FOXP1: variants seen among roughly 807,000 people sequenced by gnomAD.
FOXP1 encodes forkhead box protein P1.
FOXP1 carries 15 observed loss-of-function variants against 98.2 expected under a neutral mutation model. That is an observed-to-expected ratio of 0.15 (90% confidence interval 0.10 to 0.24). FOXP1 has a LOEUF of 0.24. FOXP1 is among the 10% of genes least tolerant of loss of function. FOXP1 has a pLI of 1.00. For synonymous variants in FOXP1, 371 were observed against 314.5 expected, an observed-to-expected ratio of 1.18 and a Z score of -1.90; for missense variants, 633 against 848.5, an observed-to-expected ratio of 0.75 and a Z score of 3.15.
intron 3 of FOXP1, among the ~76,000 whole-genome samples, chr3:71,366,052 G>T (rs542711693): frequency 5.9e-4 from 90 of 152,264 alleles, no homozygotes; most frequent in African/African-American, 2.1e-3. Flanking sequence ...TCCAGTGATA[G>T]AATATGCCAG....
chr3:71,087,878 CAA>C lies in FOXP1; in HGVS notation c.282+24656_282+24657del, dbSNP rs2107577087. On this transcript the variant is annotated intron_variant, in intron 7 of 20. Coordinates refer to ENST00000649528, the MANE Select transcript of FOXP1 (RefSeq NM_001349338.3). ...TTATGCAAAAGCGACTCATGTGAAA[CAA>C]ACAAAAATACCTGTTTGCATGTATA... Among the ~76,000 whole-genome samples the C allele has an allele frequency of 2.0e-5, 3 of 152,168 alleles. No individual in the cohort carries two copies. In the South Asian group the frequency reaches 6.2e-4, roughly 32 times the overall value.
chr3:71,124,841 CAA>C (rs1218305529), intron 6 of FOXP1, among the ~76,000 whole-genome samples: 1 of 152,228 alleles, frequency 6.6e-6, no homozygotes, highest in African/African-American at 2.4e-5. Flanking sequence ...CAATGGAAAG[CAA>C]AGATTCCTTT....
At chr3:70,997,906 T>C (rs2041609935) in intron 13 of FOXP1, among the ~76,000 whole-genome samples, 1 of 152,194 alleles carries the variant, frequency 6.6e-6, no homozygotes, top group African/African-American at 2.4e-5. Context: ...GATGCATGGA[T>C]GAAAGAATGA....
At chr3:71,039,950 C>A (rs550854946) in intron 11 of FOXP1, among the ~76,000 whole-genome samples, 34 of 152,260 alleles carry the variant, frequency 2.2e-4, no homozygotes, top group African/African-American at 7.9e-4. Flanking sequence ...ATGCTTAATG[C>A]ATCTTTTAGT....
At chr3:71,227,577 A>G (rs2065939992) in intron 5 of FOXP1, among the ~76,000 whole-genome samples, 1 of 152,268 alleles carries the variant, frequency 6.6e-6, no homozygotes, top group South Asian at 2.1e-4. Flanking sequence ...TAAATCTTAC[A>G]GTCTGACTTG....
At chr3:71,286,307 C>T (rs915563236) in intron 5 of FOXP1, among the ~76,000 whole-genome samples, 4 of 150,844 alleles carry the variant, frequency 2.7e-5, no homozygotes, top group African/African-American at 4.9e-5. Flanking sequence ...GAGTGTCCCC[C>T]GCCACCCCCG....
chr3:71,220,501 A>G (rs1278681787), intron 5 of FOXP1, among the ~76,000 whole-genome samples: 3 of 152,190 alleles, frequency 2.0e-5, no homozygotes, highest in African/African-American at 4.8e-5. Flanking sequence ...TAATCTCTGC[A>G]CTTTGGGAGG....
At chr3:71,429,262 TTCTG>T (rs1038642266) in intron 3 of FOXP1, among the ~76,000 whole-genome samples, 1 of 152,142 alleles carries the variant, frequency 6.6e-6, no homozygotes, top group African/African-American at 2.4e-5. Context: ...AGGGTCTGGG[TTCTG>T]TCTGTCTTCA....
chr3:71,394,352 T>C (rs1331367541), intron 3 of FOXP1, among the ~76,000 whole-genome samples: 1 of 152,148 alleles, frequency 6.6e-6, no homozygotes, highest in East Asian at 1.9e-4. Flanking sequence ...AAGAATTCCA[T>C]AGGCAGTGGT....
At chr3:71,351,821 G>A (rs1259889230) in intron 4 of FOXP1, among the ~76,000 whole-genome samples, 1 of 152,200 alleles carries the variant, frequency 6.6e-6, no homozygotes, top group Non-Finnish European at 1.5e-5. Flanking sequence ...GAGGGCTAGA[G>A]AGATGAGGTT....
intron 3 of FOXP1, among the ~76,000 whole-genome samples, chr3:71,442,565 CCT>C (rs1251625073): frequency 3.9e-5 from 6 of 152,180 alleles, no homozygotes; most frequent in Non-Finnish European, 7.3e-5. Context: ...GCACGGAGGT[CCT>C]CTCTGTCGTC....
Position 71,265,504 on chromosome 3 carries a change from A to G in FOXP1, c.-12+34316T>C, listed in dbSNP as rs1040222348. Reference sequence around the variant, plus strand: ...GCTCACCTCCAGGCCTGGAAAGCCAACTGGATGGTTCTCTAGGAGGAAACA... The same window carrying G: ...GCTCACCTCCAGGCCTGGAAAGCCAGCTGGATGGTTCTCTAGGAGGAAACA... On this transcript the variant is annotated intron_variant, in intron 5 of 20. Coordinates refer to ENST00000649528, the MANE Select transcript of FOXP1 (RefSeq NM_001349338.3). Among the ~76,000 whole-genome samples, 12 of 152,296 alleles carry G rather than the reference A, an allele frequency of 7.9e-5. No individual in the cohort carries two copies. In the South Asian group the frequency reaches 1.5e-3, roughly 18 times the overall value.
chr3:71,582,771 T>C lies in FOXP1; in HGVS notation c.-447+800A>G, dbSNP rs563196281. On this transcript the variant is annotated intron_variant, in intron 1 of 20. Coordinates refer to ENST00000649528, the MANE Select transcript of FOXP1 (RefSeq NM_001349338.3). ...GGCCGAGCGCGCGTAGGGGTGCGTG[T>C]CTGGCTGGGGGTGCGCAGGTGCGTG... 8.1e-6 allele frequency: 8 copies of C among 985,144 alleles called. No individual in the cohort carries two copies. The East Asian group carries it at 6.9e-4, about 84-fold the overall frequency. 61.0% of individuals were successfully genotyped at this position (985,144 alleles called of 1,614,324 possible). A position where few individuals can be genotyped will look rare whatever the true frequency, so the allele number is the denominator to read the frequency against.
intron 5 of FOXP1, among the ~76,000 whole-genome samples, chr3:71,235,357 T>C (rs1365401327): frequency 6.6e-6 from 1 of 152,182 alleles, no homozygotes; most frequent in East Asian, 1.9e-4. Context: ...ACGAAACCTC[T>C]AGAAAAAAAT....
intron 5 of FOXP1, among the ~76,000 whole-genome samples, chr3:71,285,239 C>G (rs546724181): frequency 6.6e-6 from 1 of 152,162 alleles, no homozygotes; most frequent in Admixed American, 6.5e-5. Flanking sequence ...TATACCCCAG[C>G]CCTTGGCAAA....
At chr3:71,273,429 T>C (rs1199098434) in intron 5 of FOXP1, among the ~76,000 whole-genome samples, 1 of 152,216 alleles carries the variant, frequency 6.6e-6, no homozygotes, top group African/African-American at 2.4e-5. Flanking sequence ...ACCACAACCC[T>C]AACTCAACTG....
intron 14 of FOXP1, among the ~76,000 whole-genome samples, chr3:70,985,196 A>C (rs1019621225): frequency 6.6e-5 from 10 of 152,234 alleles, no homozygotes; most frequent in African/African-American, 2.2e-4. Context: ...AATCCTGGTG[A>C]CTGCCTGTTT....
intron 5 of FOXP1, among the ~76,000 whole-genome samples, chr3:71,205,852 TA>T (rs1270543793): frequency 6.6e-6 from 1 of 152,202 alleles, no homozygotes; most frequent in African/African-American, 2.4e-5. Context: ...CAAGGAACAC[TA>T]AATTGGCAAA....
intron 2 of FOXP1, among the ~76,000 whole-genome samples, chr3:71,511,702 C>T (rs914158285): frequency 2.0e-5 from 3 of 152,142 alleles, no homozygotes; most frequent in Non-Finnish European, 4.4e-5. Flanking sequence ...TGATGGCCTA[C>T]ATAATGATCA....
Sources: allele counts gnomAD v4.1 joint callset (sites outside exome capture counted in the v4.1 genomes callset), GRCh38; gene constraint gnomAD v4.1.1; transcripts MANE v1.5; gene names NCBI Gene and HGNC (gene_info 2026-07-23, HGNC 2026-07-21).